The following SLC9A9 variants were observed in gnomAD, a reference collection of about 807,000 sequenced individuals.
The protein encoded by SLC9A9 is solute carrier family 9 member A9.
In SLC9A9, 62 loss-of-function variants were observed where a neutral mutation model predicts 77.8. The ratio of observed to expected loss-of-function variants is 0.80; its 90% CI spans 0.65 to 0.98. SLC9A9 has a LOEUF of 0.98. Ranked by LOEUF, SLC9A9 falls within the 50% of genes least tolerant of loss-of-function variation. The probability of loss-of-function intolerance (pLI) is 0.00; values close to 1 mark genes in which losing one functional copy is unlikely to be tolerated. For missense variants in SLC9A9, 775 were observed against 774.9 expected, an observed-to-expected ratio of 1.00 and a Z score of 0.00; for synonymous variants, 320 against 283.5, an observed-to-expected ratio of 1.13 and a Z score of -1.29.
At chr3:143,300,700 T>C (rs1013965881) in intron 14 of SLC9A9, among the ~76,000 whole-genome samples, 3 of 152,206 alleles carry the variant, frequency 2.0e-5, no homozygotes, top group African/African-American at 4.8e-5. Flanking sequence ...AGGGAACTTT[T>C]AAAAGCCCGG....
chr3:143,842,557 A>G (rs1259292598), intron 1 of SLC9A9, among the ~76,000 whole-genome samples: 1 of 152,174 alleles, frequency 6.6e-6, no homozygotes, highest in Non-Finnish European at 1.5e-5. Flanking sequence ...CAAAAGGGAG[A>G]AGAAGTTTAG....
At chr3:143,528,924 G>A (rs1020989023) in intron 9 of SLC9A9, among the ~76,000 whole-genome samples, 1 of 152,124 alleles carries the variant, frequency 6.6e-6, no homozygotes, top group African/African-American at 2.4e-5. Context: ...TATAAGTTAA[G>A]AGGACCAACA....
At chr3:143,709,691 GAC>G (rs1934088855) in intron 4 of SLC9A9, among the ~76,000 whole-genome samples, 1 of 152,134 alleles carries the variant, frequency 6.6e-6, no homozygotes, top group Non-Finnish European at 1.5e-5. Flanking sequence ...GTGGATAAGA[GAC>G]AATGATTATT....
At position 143,623,566 on chromosome 3, in the gene SLC9A9, C is replaced by T. The variant is rs541719476; in HGVS notation, c.755+28689G>A. 6.3e-4 allele frequency among the ~76,000 whole-genome samples: 96 copies of T among 152,040 alleles called. No individual in the cohort carries two copies. The East Asian group carries it at 7.7e-3, about 12-fold the overall frequency. On this transcript the variant is annotated intron_variant, in intron 6 of 15. Coordinates refer to ENST00000316549, the MANE Select transcript of SLC9A9 (RefSeq NM_173653.4). ...AAATAAAGATGTTCTTTGAAACCAA[C>T]GAGAACAAAGACACAACATACCAGA...
At chr3:143,543,950 A>G (rs1038580879) in intron 9 of SLC9A9, among the ~76,000 whole-genome samples, 1 of 152,064 alleles carries the variant, frequency 6.6e-6, no homozygotes, top group South Asian at 2.1e-4. Flanking sequence ...TCTTTGAAAA[A>G]TCTCTAAACT....
intron 9 of SLC9A9, chr3:143,503,768 G>T: frequency 2.9e-6 from 1 of 340,354 alleles, no homozygotes; most frequent in East Asian, 8.4e-5. Context: ...CTTCTATAAT[G>T]CTAAAGTTGT....
At chr3:143,495,233 G>C in intron 10 of SLC9A9, 102 bp downstream of exon 10, 1 of 991,676 alleles carries the variant, frequency 1.0e-6, no homozygotes, top group Non-Finnish European at 1.6e-6. Context: ...GCCTTGCAGT[G>C]GACTTTAGGA....
intron 14 of SLC9A9, among the ~76,000 whole-genome samples, chr3:143,308,418 T>C (rs2030891845): frequency 1.3e-5 from 2 of 151,862 alleles, no homozygotes; most frequent in South Asian, 4.2e-4. Flanking sequence ...CTACTAAAAA[T>C]ACAAAAAATT....
At position 143,320,327 on chromosome 3, in the gene SLC9A9, A is replaced by G. The variant is rs115750557; in HGVS notation, c.1604+43157T>C. 3.5e-3 allele frequency among the ~76,000 whole-genome samples: 538 copies of G among 152,310 alleles called. 2 individuals carry two copies. Among genetic ancestry groups the G allele is most frequent in the African/African-American group, 0.012 (516 of 41,566 alleles). The stretch of plus-strand genomic sequence containing the variant: ...CCAATGACATCAGATTCCTGTTTAG[A>G]AGAGGAGGAAGTCTCCATATCCAAA... On this transcript the variant is annotated intron_variant, in intron 14 of 15. Coordinates refer to ENST00000316549, the MANE Select transcript of SLC9A9 (RefSeq NM_173653.4).
intron 5 of SLC9A9, among the ~76,000 whole-genome samples, chr3:143,666,567 AT>A (rs1256049034): frequency 1.3e-5 from 2 of 152,214 alleles, no homozygotes; most frequent in South Asian, 2.1e-4. Flanking sequence ...AGATGACATG[AT>A]TGTATATTTA....
chr3:143,691,242 ATTTT>A (rs534331209), intron 5 of SLC9A9, among the ~76,000 whole-genome samples: 1 of 151,138 alleles, frequency 6.6e-6, no homozygotes, highest in Non-Finnish European at 1.5e-5. Flanking sequence ...TAATTTTTAA[ATTTT>A]TTTTTGAGAG....
chr3:143,431,422 T>A (rs965131030), intron 12 of SLC9A9, among the ~76,000 whole-genome samples: 1 of 151,658 alleles, frequency 6.6e-6, no homozygotes, highest in Non-Finnish European at 1.5e-5. Context: ...AGCAGAGGAG[T>A]TCTTTCAAAT....
intron 14 of SLC9A9, among the ~76,000 whole-genome samples, chr3:143,301,405 T>C (rs2030508743): frequency 6.6e-6 from 1 of 152,200 alleles, no homozygotes; most frequent in South Asian, 2.1e-4. Flanking sequence ...AGGGCGGAAA[T>C]GATTTTTTAA....
intron 13 of SLC9A9, among the ~76,000 whole-genome samples, chr3:143,381,731 C>T (rs577807120): frequency 1.3e-4 from 20 of 152,278 alleles, no homozygotes; most frequent in African/African-American, 4.8e-4. Context: ...GTGTAAATTT[C>T]ACTGAGTTGG....
At position 143,737,487 on chromosome 3, in the gene SLC9A9, C is replaced by CAA. The variant is rs147108833; in HGVS notation, c.534-44182_534-44181dup. On this transcript the variant is annotated intron_variant, in intron 4 of 15. Coordinates refer to ENST00000316549, the MANE Select transcript of SLC9A9 (RefSeq NM_173653.4). Reference sequence around the variant, plus strand: ...ATGTAATGAGAGTTAAAAAAAAAACCAAAAAAAAAACCCACAAAACTCTCA... The same window carrying CAA: ...ATGTAATGAGAGTTAAAAAAAAAACCAAAAAAAAAAAACCCACAAAACTCTCA... Among the ~76,000 whole-genome samples, 575 of 143,518 alleles carry CAA rather than the reference C, an allele frequency of 4.0e-3. 4 individuals carry two copies. Among genetic ancestry groups the CAA allele is most frequent in the African/African-American group, 0.012 (475 of 39,470 alleles). The allele number at this position is 143,518 out of a possible 152,430, so 94.2% of individuals were successfully genotyped here.
intron 4 of SLC9A9, among the ~76,000 whole-genome samples, chr3:143,747,081 G>A (rs995156730): frequency 1.3e-5 from 2 of 152,002 alleles, no homozygotes; most frequent in Non-Finnish European, 2.9e-5. Flanking sequence ...CCTAATCCCT[G>A]GAACCCATAA....
Position 143,652,375 on chromosome 3 carries a change from A to C in SLC9A9, c.650-15T>G. ...CAGCACTGTCACTAGGAAGACACAC[A>C]CAAACATGCAGGTTAGCTTGGATGC... On this transcript the variant is annotated splice_polypyrimidine_tract_variant and intron_variant, in intron 5 of 15. Transcript: ENST00000316549. The C allele has an allele frequency of 1.9e-6, 3 of 1,603,052 alleles. No homozygotes were observed. The highest frequency in any genetic ancestry group is 2.2e-5 in the East Asian group (1 of 44,694).
chr3:143,390,357 A>G (rs1371981689), intron 12 of SLC9A9, among the ~76,000 whole-genome samples: 1 of 152,232 alleles, frequency 6.6e-6, no homozygotes, highest in Non-Finnish European at 1.5e-5. Context: ...CCTATCACTT[A>G]CTTGTGTGAC....
chr3:143,494,470 A>C (rs963047579), intron 10 of SLC9A9, among the ~76,000 whole-genome samples: 1 of 152,192 alleles, frequency 6.6e-6, no homozygotes, highest in East Asian at 1.9e-4. Context: ...TTTGGATGAA[A>C]TTTTAGGGTT....
Sources: gnomAD v4.1 joint callset for allele counts (sites outside exome capture counted in the v4.1 genomes callset) on GRCh38, gnomAD v4.1.1 for gene constraint, MANE v1.5 for transcripts, NCBI Gene and HGNC (gene_info 2026-07-23, HGNC 2026-07-21) for gene names.